The following ITGA7 variants were observed in gnomAD, a reference collection of about 807,000 sequenced individuals.
The protein encoded by ITGA7 is integrin subunit alpha 7.
A neutral mutation model predicts 131.6 loss-of-function variants in ITGA7; 84 were observed. The ratio of observed to expected loss-of-function variants is 0.64; its 90% confidence interval spans 0.54 to 0.77. The LOEUF (loss-of-function observed/expected upper bound fraction) is 0.77, where lower values mean the gene tolerates loss of function less well. Among genes scored for constraint, ITGA7 ranks in the 30% least tolerant of loss-of-function variants. The pLI, the probability that ITGA7 is intolerant of heterozygous loss-of-function variation, is 0.00. For missense variants in ITGA7, 1,399 were observed against 1,482.9 expected (o/e 0.94, Z 0.93); for synonymous variants, 548 against 600.7 (o/e 0.91, Z 1.28).
chr12:55,692,359 G>A (rs775197752), intron 21 of ITGA7, among the ~76,000 whole-genome samples: 29 of 152,220 alleles, frequency 1.9e-4, no homozygotes, highest in Non-Finnish European at 3.7e-4. Context: ...AGGTTGCAGT[G>A]AGCTGAGATC....
At position 55,697,440 on chromosome 12, in the gene ITGA7, T is replaced by C; in HGVS notation, c.1505+11A>G. The C allele has an allele frequency of 6.2e-7, 1 of 1,613,388 alleles. No homozygotes were observed. Among genetic ancestry groups the C allele is most frequent in the Non-Finnish European group, 8.5e-7 (1 of 1,179,564 alleles). On this transcript the variant is annotated intron_variant, in intron 10 of 24. Coordinates refer to ENST00000257879, the MANE Select transcript of ITGA7 (RefSeq NM_002206.3). ...CTGCCAGGGTCCAGGTGCCACCCGA[T>C]CCCACCTCACCAGACCGAGTGGCCG...
At chr12:55,690,607 C>T (rs1871221441) in intron 21 of ITGA7, among the ~76,000 whole-genome samples, 1 of 148,474 alleles carries the variant, frequency 6.7e-6, no homozygotes, top group South Asian at 2.2e-4. Flanking sequence ...TTTGACCCAG[C>T]CATCCCATTA....
rs1869682009 is a variant in ITGA7 at position 55,684,580 on chromosome 12, A to T, written c.*478T>A. On this transcript the variant is annotated 3_prime_UTR_variant, in exon 25 of 25. Transcript: ENST00000257879. ...AAAGAGGCAGAGGTTTTGTTCTCAAATATTTTTTAATAAATAGACGAAACC... is the reference window on the plus strand; with the variant it reads ...AAAGAGGCAGAGGTTTTGTTCTCAATTATTTTTTAATAAATAGACGAAACC... 6.0e-6 allele frequency: 1 copy of T among 167,532 alleles called. No individual in the cohort carries two copies. The highest frequency in any genetic ancestry group is 5.8e-5 in the Admixed American group (1 of 17,246). 10.4% of individuals were successfully genotyped at this position (167,532 alleles called of 1,614,324 possible). A position where few individuals can be genotyped will look rare whatever the true frequency, so the allele number is the denominator to read the frequency against.
chr12:55,698,015 C>A lies in ITGA7; in HGVS notation c.1204G>T (p.Gly402Cys), dbSNP rs1460287010. 5 of 1,614,114 alleles carry A rather than the reference C, an allele frequency of 3.1e-6. No homozygotes were observed. The highest frequency in any genetic ancestry group is 4.2e-6 in the Non-Finnish European group (5 of 1,180,018). Residue 402 changes from glycine (G) to cysteine (C), a missense_variant, in exon 8 of 25, where the codon GGT becomes TGT. By Grantham distance (159) the Gly-to-Cys change is radical. Coordinates refer to ENST00000257879, the MANE Select transcript of ITGA7 (RefSeq NM_002206.3). The part of the protein sequence containing the change: ...NQDGFPDIAV[G>C]APFDGDGKVF... ...TTCCCATCACCATCAAAGGGGGCAC[C>A]CACTGCAATATCTGCAGGGCACAGG... is the stretch of plus-strand genomic sequence containing the variant.
At chr12:55,699,746 G>T in intron 5 of ITGA7, 124 bp downstream of exon 5, 1 of 1,281,204 alleles carries the variant, frequency 7.8e-7, no homozygotes, top group Non-Finnish European at 1.1e-6. Context: ...TGGGCCCAAT[G>T]TATGTCTCCC....
upstream of ITGA7, among the ~76,000 whole-genome samples, chr12:55,709,267 T>G (rs1251681332): frequency 6.6e-6 from 1 of 152,242 alleles, no homozygotes; most frequent in Non-Finnish European, 1.5e-5. Context: ...CTCTTTCCCT[T>G]TCTTAAAAGT....
Position 55,698,447 on chromosome 12 carries a change from G to A in ITGA7, c.1128C>T (p.Ser376=), listed in dbSNP as rs760808317. The A allele has an allele frequency of 4.3e-6, 7 of 1,613,676 alleles. No homozygotes were observed. Among genetic ancestry groups the A allele is most frequent in the East Asian group, 2.2e-5 (1 of 44,858 alleles). ...GGCTGATCCCGAACATGGAGTCAGG[G>A]GAGCCGCAGAGCCGGAGAGGGGAGA... ...AGISPLRLCG[S]PDSMFGISLA... Residue 376 remains serine (S), a synonymous_variant, in exon 7 of 25, where the codon TCC becomes TCT. Coordinates refer to ENST00000257879, the MANE Select transcript of ITGA7 (RefSeq NM_002206.3).
chr12:55,715,991 T>A (rs1876481380), upstream of ITGA7: 2 of 1,481,982 alleles, frequency 1.3e-6, no homozygotes, highest in African/African-American at 2.8e-5. Context: ...CCCGCCAAGA[T>A]CTTCACCCAA....
chr12:55,706,093 GGAAATGACAAGA>G (rs1293864046), intron 1 of ITGA7, among the ~76,000 whole-genome samples: 1 of 152,206 alleles, frequency 6.6e-6, no homozygotes. Flanking sequence ...GAGAGGAGGG[GGAAATGACAAGA>G]GACCAAGCTA....
chr12:55,706,093 G>A (rs1875122545), intron 1 of ITGA7, among the ~76,000 whole-genome samples: 1 of 152,206 alleles, frequency 6.6e-6, no homozygotes, highest in South Asian at 2.1e-4. Context: ...GAGAGGAGGG[G>A]GAAATGACAA....
In ITGA7 at chr12:55,685,049, C is replaced by A; in HGVS notation, c.*9G>T. ...AGGGCAGCCACAGGCCAGGCTGGGA[C>A]ATGGGAACCTAGGCGGTGCCTGGCC... On this transcript the variant is annotated 3_prime_UTR_variant, in exon 25 of 25. Coordinates refer to ENST00000257879, the MANE Select transcript of ITGA7 (RefSeq NM_002206.3). The A allele has an allele frequency of 6.4e-7, 1 of 1,568,022 alleles. No homozygotes were observed. Among genetic ancestry groups the A allele is most frequent in the Admixed American group, 1.7e-5 (1 of 58,030 alleles).
At position 55,690,272 on chromosome 12, in the gene ITGA7, C is replaced by A. The variant is rs1871147377; in HGVS notation, c.2845-1315G>T. ...TCTACAATGAACTCAAACAAATTTA[C>A]AAGAACAAAACAAACAACCCCATCA... On this transcript the variant is annotated intron_variant, in intron 21 of 24. Coordinates refer to ENST00000257879, the MANE Select transcript of ITGA7 (RefSeq NM_002206.3). Among the ~76,000 whole-genome samples the A allele has an allele frequency of 2.0e-5, 3 of 152,126 alleles. No homozygotes were observed. In the South Asian group the frequency reaches 6.2e-4, roughly 31 times the overall value.
intron 19 of ITGA7, 54 bp from the exon 20 acceptor site, chr12:55,693,371 T>G (rs1160933103): frequency 6.7e-7 from 1 of 1,492,586 alleles, no homozygotes; most frequent in Non-Finnish European, 9.2e-7. Flanking sequence ...TTTTTTTTTT[T>G]TTTTTAATTT....
chr12:55,684,804 A>G lies in ITGA7; in HGVS notation c.*254T>C, dbSNP rs1008217756. The stretch of plus-strand genomic sequence containing the variant: ...TAGGATCCCTTCTCCCCACCTTTGC[A>G]TCAGGACACCCCTGCCCTTCTCACC... On this transcript the variant is annotated 3_prime_UTR_variant, in exon 25 of 25. Coordinates refer to ENST00000257879, the MANE Select transcript of ITGA7 (RefSeq NM_002206.3). 7.8e-6 allele frequency: 4 copies of G among 512,806 alleles called. No individual in the cohort carries two copies. Among genetic ancestry groups the G allele is most frequent in the African/African-American group, 5.7e-5 (3 of 52,596 alleles). 31.8% of individuals were successfully genotyped at this position (512,806 alleles called of 1,614,324 possible). A position where few individuals can be genotyped will look rare whatever the true frequency, so the allele number is the denominator to read the frequency against.
In ITGA7 at chr12:55,698,406, T is replaced by C; in HGVS notation, c.1169A>G (p.Asp390Gly). 6.2e-7 allele frequency: 1 copy of C among 1,612,874 alleles called. No individual in the cohort carries two copies. The highest frequency in any genetic ancestry group is 8.5e-7 in the Non-Finnish European group (1 of 1,179,430). Residue 390 changes from aspartate to glycine, a missense_variant, in exon 7 of 25, where the codon GAC becomes GGC. Coordinates refer to ENST00000257879, the MANE Select transcript of ITGA7 (RefSeq NM_002206.3). Reference sequence around the variant, plus strand: ...ACCTGGAAAGCCATCTTGGTTGAGGTCCCCCAGGACAGCCAGGCTGATCCC... The same window carrying C: ...ACCTGGAAAGCCATCTTGGTTGAGGCCCCCCAGGACAGCCAGGCTGATCCC... ...MFGISLAVLGDLNQDGFPDIA... is the reference protein window; with the variant it reads ...MFGISLAVLGGLNQDGFPDIA...
Position 55,688,250 on chromosome 12 carries a change from T to A in ITGA7, c.3009A>T (p.Thr1003=), listed in dbSNP as rs1388507191. 1.2e-6 allele frequency: 2 copies of A among 1,614,058 alleles called. No individual in the cohort carries two copies. The highest frequency in any genetic ancestry group is 2.7e-5 in the African/African-American group (2 of 74,916). ...SLEVIVRANI[T]VKSSIKNLML... is the part of the protein sequence containing the mutation. ...TCAAGTTCTTTATGGAGGACTTCAC[T>A]GTGATGTTGGCCCGGACAATCACTT... The change falls in exon 23 of 25, where the codon ACA becomes ACT. Residue 1003 remains threonine (T), a synonymous_variant. Coordinates refer to ENST00000257879, the MANE Select transcript of ITGA7 (RefSeq NM_002206.3).
At position 55,687,988 on chromosome 12, in the gene ITGA7, C is replaced by T; in HGVS notation, c.3166G>A (p.Val1056Met). The T allele has an allele frequency of 1.2e-6, 2 of 1,614,174 alleles. No individual in the cohort carries two copies. The highest frequency in any genetic ancestry group is 1.7e-6 in the Non-Finnish European group (2 of 1,180,044). The change falls in exon 24 of 25, where the codon GTG (valine) becomes ATG (methionine). Residue 1056 changes from valine (V) to methionine (M), a missense_variant. Physicochemically the swap from Val to Met is conservative, Grantham distance 21. Coordinates refer to ENST00000257879, the MANE Select transcript of ITGA7 (RefSeq NM_002206.3). ...AGCCTCACCTTCCACAGGAGCAGCA[C>T]CAGCAGTGCTAGCACCAGCAGCCCA... The part of the protein sequence containing the change: ...LAGLLVLALL[V>M]LLLWKMGFFK...
Position 55,694,385 on chromosome 12 carries a change from G to A in ITGA7, c.2358-55C>T, listed in dbSNP as rs1872151780. On this transcript the variant is annotated intron_variant, in intron 17 of 24. Transcript: ENST00000257879. The surrounding 1 kb of genome is among the most constrained non-coding windows in gnomAD (Gnocchi z 5.3). ...ATCAGGCACAGGCACCTCCCAAGGGGTCAGATGAGGTCAATATGACTACCC... is the reference window on the plus strand; with the variant it reads ...ATCAGGCACAGGCACCTCCCAAGGGATCAGATGAGGTCAATATGACTACCC... The A allele has an allele frequency of 2.5e-6, 4 of 1,612,352 alleles. No homozygotes were observed. Among genetic ancestry groups the A allele is most frequent in the Non-Finnish European group, 3.4e-6 (4 of 1,178,684 alleles).
upstream of ITGA7, chr12:55,716,327 G>C: frequency 1.3e-6 from 2 of 1,487,144 alleles, no homozygotes; most frequent in South Asian, 2.6e-5. Context: ...TGGGGGAGAG[G>C]GAATTTCAGA....
Sources: allele counts gnomAD v4.1 joint callset (sites outside exome capture counted in the v4.1 genomes callset), GRCh38; gene constraint gnomAD v4.1.1; non-coding constraint Gnocchi (gnomAD v3.1); transcripts MANE v1.5; gene names NCBI Gene and HGNC (gene_info 2026-07-23, HGNC 2026-07-21).